PSD3: variants seen among roughly 807,000 people sequenced by gnomAD.
PSD3 encodes the protein pleckstrin and Sec7 domain containing 3.
Under a neutral mutation model 105.5 loss-of-function variants are expected in PSD3, and 49 were observed. The ratio of observed to expected loss-of-function variants is 0.46; its 90% CI spans 0.37 to 0.59. The LOEUF is 0.59. PSD3 is among the 20% of genes least tolerant of loss of function. The pLI is 0.00. For missense variants in PSD3, 1,561 were observed against 1,263.8 expected (o/e 1.24, Z -3.57); for synonymous variants, 557 against 457.8 (o/e 1.22, Z -2.77).
chr8:18,644,360 T>C (rs546276750), intron 10 of PSD3, among the ~76,000 whole-genome samples: 2 of 152,368 alleles, frequency 1.3e-5, no homozygotes, highest in South Asian at 2.1e-4. Context: ...ACATTTTGCT[T>C]TGAAATTTAT....
At chr8:18,673,758 G>A (rs570817071) in intron 9 of PSD3, among the ~76,000 whole-genome samples, 2 of 152,260 alleles carry the variant, frequency 1.3e-5, no homozygotes, top group African/African-American at 2.4e-5. Flanking sequence ...TATTTTCAAC[G>A]TGGGGATCTC....
At chr8:18,742,757 G>T (rs765499878) in intron 9 of PSD3, among the ~76,000 whole-genome samples, 8 of 152,154 alleles carry the variant, frequency 5.3e-5, no homozygotes, top group Non-Finnish European at 1.0e-4. Context: ...TTTATTACTG[G>T]CAAAATGCTA....
intron 7 of PSD3, 45 bp from the exon 8 acceptor site, chr8:18,799,398 T>A: frequency 1.4e-6 from 2 of 1,429,304 alleles, no homozygotes; most frequent in South Asian, 2.3e-5. Context: ...CGCTTTTCAC[T>A]GTTGGACTCC....
intron 15 of PSD3, 134 bp downstream of exon 15, chr8:18,556,075 C>T (rs1405536608): frequency 8.5e-6 from 9 of 1,054,794 alleles, no homozygotes; most frequent in African/African-American, 1.6e-5. Context: ...CATGACCTTG[C>T]CAGGAGCTCC....
chr8:18,699,627 G>A (rs1387922999), intron 9 of PSD3, among the ~76,000 whole-genome samples: 11 of 152,124 alleles, frequency 7.2e-5, no homozygotes, highest in Admixed American at 2.0e-4. Flanking sequence ...TGGAATGTCT[G>A]TCATTTCTGG....
intron 2 of PSD3, among the ~76,000 whole-genome samples, chr8:18,919,000 T>C (rs1446470950): frequency 6.6e-6 from 1 of 152,198 alleles, no homozygotes; most frequent in East Asian, 1.9e-4. Context: ...TTAATTCTCC[T>C]TTCTACAGAT....
intron 9 of PSD3, among the ~76,000 whole-genome samples, chr8:18,742,267 G>A (rs1563215700): frequency 6.6e-6 from 1 of 152,008 alleles, no homozygotes; most frequent in East Asian, 1.9e-4. Context: ...AAAAGAGAAA[G>A]AAACAAACCA....
At chr8:19,071,299 C>T (rs1829252827) in intron 1 of PSD3, among the ~76,000 whole-genome samples, 1 of 151,340 alleles carries the variant, frequency 6.6e-6, no homozygotes, top group Non-Finnish European at 1.5e-5. Context: ...AACTCCTGAC[C>T]TCGAGTGATC....
chr8:19,048,552 G>T (rs958010484), intron 1 of PSD3, among the ~76,000 whole-genome samples: 1 of 152,118 alleles, frequency 6.6e-6, no homozygotes. Flanking sequence ...CCGTGGAAAA[G>T]AAATGAGAAA....
chr8:18,938,627 C>CAAAAAA (rs35017140), intron 1 of PSD3, among the ~76,000 whole-genome samples: 1 of 109,476 alleles, frequency 9.1e-6, no homozygotes, highest in East Asian at 2.5e-4. Flanking sequence ...CCGTCTCAAA[C>CAAAAAA]AAAAAAAAAA....
intron 1 of PSD3, among the ~76,000 whole-genome samples, chr8:19,029,482 A>C (rs111605076): frequency 0.095 from 14,457 of 152,166 alleles, 927 homozygotes; most frequent in East Asian, 0.23. Context: ...GGCCTCAGGA[A>C]ACTTACAATC....
intron 2 of PSD3, among the ~76,000 whole-genome samples, chr8:18,884,286 TAATC>T (rs1361641711): frequency 6.6e-6 from 1 of 152,222 alleles, no homozygotes; most frequent in Non-Finnish European, 1.5e-5. Context: ...TTACGTTTAA[TAATC>T]AATAAACTTC....
At chr8:18,560,110 G>A (rs917294533) in intron 14 of PSD3, among the ~76,000 whole-genome samples, 196 of 150,534 alleles carry the variant, frequency 1.3e-3, no homozygotes, top group African/African-American at 4.6e-3. Flanking sequence ...TGGCTCTTAC[G>A]GACACAGCTT....
At chr8:18,833,113 T>G (rs540875270) in intron 4 of PSD3, among the ~76,000 whole-genome samples, 57 of 152,196 alleles carry the variant, frequency 3.7e-4, no homozygotes, top group Non-Finnish European at 7.8e-4. Context: ...AGCAATGCAA[T>G]AGAACACATA....
intron 10 of PSD3, among the ~76,000 whole-genome samples, chr8:18,640,350 G>A (rs1288121464): frequency 2.6e-5 from 4 of 152,252 alleles, no homozygotes; most frequent in Non-Finnish European, 4.4e-5. Flanking sequence ...ATTGTTAAGT[G>A]ATACGGTTTG....
At chr8:18,555,248 T>C (rs1484394363) in intron 15 of PSD3, among the ~76,000 whole-genome samples, 1 of 151,974 alleles carries the variant, frequency 6.6e-6, no homozygotes, top group Non-Finnish European at 1.5e-5. Flanking sequence ...AAGGGACAGG[T>C]GTGAGACGCC....
chr8:18,789,665 C>A (rs1029680739), intron 8 of PSD3, among the ~76,000 whole-genome samples: 1 of 152,094 alleles, frequency 6.6e-6, no homozygotes, highest in South Asian at 2.1e-4. Flanking sequence ...AAGATAAACA[C>A]ACCTAACTCA....
chr8:18,695,791 A>C (rs1801223683), intron 9 of PSD3, among the ~76,000 whole-genome samples: 1 of 152,230 alleles, frequency 6.6e-6, no homozygotes, highest in Non-Finnish European at 1.5e-5. Context: ...CACTCTAGAA[A>C]GACCATTACA....
intron 2 of PSD3, among the ~76,000 whole-genome samples, chr8:18,892,410 A>G (rs1409535370): frequency 1.3e-5 from 2 of 151,486 alleles, no homozygotes; most frequent in African/African-American, 4.9e-5. Context: ...TTTTTAGTAA[A>G]GACGGAGTTT....
Sources: gnomAD v4.1 joint callset for allele counts (sites outside exome capture counted in the v4.1 genomes callset) on GRCh38, gnomAD v4.1.1 for gene constraint, MANE v1.5 for transcripts, NCBI Gene and HGNC (gene_info 2026-07-23, HGNC 2026-07-21) for gene names.